SSH1: variants seen among roughly 807,000 people sequenced by gnomAD.
The protein encoded by SSH1 is slingshot protein phosphatase 1.
In SSH1, 43 loss-of-function variants were observed where a neutral mutation model predicts 79.7. The observed-to-expected ratio is 0.54, with a 90% CI of 0.42 to 0.70. SSH1 has a LOEUF of 0.70. Among genes scored for constraint, SSH1 ranks in the 30% least tolerant of loss-of-function variants. The probability of loss-of-function intolerance (pLI) is 0.00; values close to 1 mark genes in which losing one functional copy is unlikely to be tolerated. For missense variants in SSH1, 1,206 were observed against 1,358.8 expected (o/e 0.89, Z 1.77); for synonymous variants, 599 against 538.3 (o/e 1.11, Z -1.56).
chr12:108,805,783 T>C (rs546199578), intron 9 of SSH1, among the ~76,000 whole-genome samples: 1 of 152,104 alleles, frequency 6.6e-6, no homozygotes, highest in South Asian at 2.1e-4. Context: ...TTGTAATTCA[T>C]TGCATGCTTT....
chr12:108,806,149 T>C lies in SSH1; in HGVS notation c.825+152A>G, dbSNP rs894096091. 6 of 773,466 alleles carry C rather than the reference T, an allele frequency of 7.8e-6. No individual in the cohort carries two copies. In the African/African-American group the frequency reaches 8.5e-5, roughly 11 times the overall value. The allele number at this position is 773,466 out of a possible 1,614,324, so 47.9% of individuals were successfully genotyped here. A position where few individuals can be genotyped will look rare whatever the true frequency, so the allele number is the denominator to read the frequency against. On this transcript the variant is annotated intron_variant, in intron 9 of 14. Transcript: ENST00000326495. ...CTGACTCCGAGGCCTGATACAATTG[T>C]AGAACGAGGCAGAAAAAAGCCTCCG...
chr12:108,846,662 GC>G (rs2038905490), intron 2 of SSH1, among the ~76,000 whole-genome samples: 1 of 152,206 alleles, frequency 6.6e-6, no homozygotes, highest in Admixed American at 6.5e-5. Flanking sequence ...TTACAACACT[GC>G]TTCCTCCAAG....
At chr12:108,802,400 T>C (rs1396098228) in intron 10 of SSH1, 32 bp from the exon 11 acceptor site, 12 of 1,607,804 alleles carry the variant, frequency 7.5e-6, no homozygotes, top group Non-Finnish European at 9.4e-6. Context: ...CTCCTGTGAG[T>C]GTCACATGTC....
At chr12:108,845,060 A>G (rs976694426) in intron 2 of SSH1, among the ~76,000 whole-genome samples, 1 of 151,810 alleles carries the variant, frequency 6.6e-6, no homozygotes, top group African/African-American at 2.4e-5. Flanking sequence ...AGGCTGAGAC[A>G]GGACAAAAAT....
At chr12:108,799,514 G>A (rs1237298925) in intron 12 of SSH1, among the ~76,000 whole-genome samples, 1 of 152,210 alleles carries the variant, frequency 6.6e-6, no homozygotes, top group South Asian at 2.1e-4. Flanking sequence ...GACCAAGTGA[G>A]AATCTTCTCA....
chr12:108,853,012 T>C lies in SSH1; in HGVS notation c.70-334A>G, dbSNP rs886720984. The C allele has an allele frequency of 1.5e-5, 15 of 985,296 alleles. No homozygotes were observed. In the Admixed American group the frequency reaches 1.8e-4, roughly 12 times the overall value. The allele number at this position is 985,296 out of a possible 1,614,324, so 61.0% of individuals were successfully genotyped here. ...CAACTTTCCGAGGTTGTTCTGGACC[T>C]TATCCTGTTTTTCTCTTTTAAGGGG... On this transcript the variant is annotated intron_variant, in intron 1 of 14. Coordinates refer to ENST00000326495, the MANE Select transcript of SSH1 (RefSeq NM_018984.4).
At position 108,792,354 on chromosome 12, in the gene SSH1, C is replaced by G. The variant is rs201082643; in HGVS notation, c.1825G>C (p.Asp609His). ...GRWGQLPTQLDQNLLNSENLN... is the reference protein window; with the variant it reads ...GRWGQLPTQLHQNLLNSENLN... Reference sequence around the variant, plus strand: ...TTCTCCGAGTTGAGCAGGTTTTGATCGAGCTGGGTTGGAAGCTGCCCCCAC... The same window carrying G: ...TTCTCCGAGTTGAGCAGGTTTTGATGGAGCTGGGTTGGAAGCTGCCCCCAC... The change falls in exon 14 of 15, where the codon GAT (aspartate) becomes CAT (histidine). Residue 609 changes from aspartate to histidine, a missense_variant. By Grantham distance (81) the Asp-to-His change is moderately conservative. This residue lies in a region of SSH1 where 709 missense variants were observed against 730.6 expected (regional missense o/e 0.97). Coordinates refer to ENST00000326495, the MANE Select transcript of SSH1 (RefSeq NM_018984.4). 68 of 1,614,164 alleles carry G rather than the reference C, an allele frequency of 4.2e-5. No individual in the cohort carries two copies. The East Asian group carries it at 1.1e-3, about 26-fold the overall frequency.
rs1325626630 is a variant in SSH1 at position 108,792,667 on chromosome 12, C to T, written c.1512G>A (p.Gly504=). 1.2e-6 allele frequency: 2 copies of T among 1,611,928 alleles called. No individual in the cohort carries two copies. The highest frequency in any genetic ancestry group is 2.2e-5 in the South Asian group (2 of 91,076). ...GCCGGAAACAGCAGGGGAGGGGGGG[C>T]CCTAAGCCGGGCTGGGCGGCATCAT... ...FLDDAAQPGL[G]PPLPCCFRRL... Residue 504 remains glycine (G), a synonymous_variant, in exon 14 of 15, where the codon GGG becomes GGA. Transcript: ENST00000326495.
intron 3 of SSH1, 140 bp from the exon 4 acceptor site, chr12:108,818,453 A>G: frequency 1.4e-6 from 1 of 713,800 alleles, no homozygotes; most frequent in East Asian, 2.8e-5. Flanking sequence ...GAGAATCACC[A>G]CAAAAACTTC....
chr12:108,788,964 G>A lies in SSH1; in HGVS notation c.2174C>T (p.Thr725Ile), dbSNP rs1395559729. 6.2e-7 allele frequency: 1 copy of A among 1,613,504 alleles called. No individual in the cohort carries two copies. The change falls in exon 15 of 15, where the codon ACC (threonine) becomes ATC (isoleucine). Residue 725 changes from threonine (T) to isoleucine (I), a missense_variant. Physicochemically the swap from Thr to Ile is moderately conservative, Grantham distance 89 (BLOSUM62 -1). Around this residue, in one of 5 missense-constraint regions of SSH1, gnomAD observed 709 missense variants for 730.6 expected, o/e 0.97. Transcript: ENST00000326495. ...LPPAGSRRADTSGPGAGAALE... is the reference protein window; with the variant it reads ...LPPAGSRRADISGPGAGAALE... ...GGCAGCTCCAGCCCCAGGGCCACTGGTGTCTGCCCTCCTGGAGCCTGCTGG... is the reference window on the plus strand; with the variant it reads ...GGCAGCTCCAGCCCCAGGGCCACTGATGTCTGCCCTCCTGGAGCCTGCTGG...
chr12:108,842,412 A>T (rs920180668), intron 2 of SSH1, among the ~76,000 whole-genome samples: 3 of 152,188 alleles, frequency 2.0e-5, no homozygotes, highest in Non-Finnish European at 4.4e-5. Context: ...GCCTCGTGGA[A>T]CTGGTTTCCT....
intron 10 of SSH1, among the ~76,000 whole-genome samples, chr12:108,803,911 T>C (rs559015344): frequency 1.3e-5 from 2 of 152,308 alleles, no homozygotes; most frequent in South Asian, 2.1e-4. Flanking sequence ...TATCATGACA[T>C]ATACATAACT....
rs561829562 is a variant in SSH1 at position 108,811,349 on chromosome 12, CAT to C, written c.402-23_402-22del. The C allele has an allele frequency of 2.9e-4, 461 of 1,613,354 alleles. 8 individuals are homozygous for C. In the South Asian group the frequency reaches 4.8e-3, roughly 17 times the overall value. On this transcript the variant is annotated intron_variant, in intron 5 of 14. Transcript: ENST00000326495. ...TTTTACTGCGATGGGGGAGAGAAGA[CAT>C]GTGGAGTCAGCGTCTACCCACCTAC...
Position 108,788,531 on chromosome 12 carries a change from G to A in SSH1, c.2607C>T (p.Gly869=). The change falls in exon 15 of 15, where the codon GGC becomes GGT. Residue 869 remains glycine (G), a synonymous_variant. Transcript: ENST00000326495. ...CGGCCTGGCTGGGCATAACCAGGGG[G>A]CCCAGCTCGTGGAGCGCGGCTGGAT... ...SQDPAALHEL[G]PLVMPSQAGS... is the part of the protein sequence containing the mutation. The A allele has an allele frequency of 6.4e-7, 1 of 1,567,230 alleles. No individual in the cohort carries two copies. Among genetic ancestry groups the A allele is most frequent in the Non-Finnish European group, 8.6e-7 (1 of 1,156,898 alleles).
chr12:108,807,416 T>A lies in SSH1; in HGVS notation c.731+217A>T, dbSNP rs1407309506. On this transcript the variant is annotated intron_variant, in intron 8 of 14. Transcript: ENST00000326495. The surrounding 1 kb of genome is among the most constrained non-coding windows in gnomAD (Gnocchi z 5.2). ...GAAATGCATTCACCAAATTCATCAGTAATTTTTTTTTTTTTTTTCTTTTTT... is the reference window on the plus strand; with the variant it reads ...GAAATGCATTCACCAAATTCATCAGAAATTTTTTTTTTTTTTTTCTTTTTT... Among the ~76,000 whole-genome samples, 1 of 48,976 alleles carries A rather than the reference T, an allele frequency of 2.0e-5. No individual in the cohort carries two copies. The highest frequency in any genetic ancestry group is 3.9e-5 in the Non-Finnish European group (1 of 25,402). 32.1% of individuals were successfully genotyped at this position (48,976 alleles called of 152,430 possible). A position where few individuals can be genotyped will look rare whatever the true frequency, so the allele number is the denominator to read the frequency against.
intron 5 of SSH1, among the ~76,000 whole-genome samples, chr12:108,812,130 T>C (rs929121910): frequency 1.3e-5 from 2 of 152,162 alleles, no homozygotes; most frequent in Admixed American, 1.3e-4. Context: ...CATGCTTCTA[T>C]ATCTGTGGGG....
At chr12:108,814,924 G>A (rs1256573411) in intron 5 of SSH1, among the ~76,000 whole-genome samples, 1 of 152,236 alleles carries the variant, frequency 6.6e-6, no homozygotes, top group African/African-American at 2.4e-5. Flanking sequence ...GGAGTGGGAT[G>A]CGCATGTGGG....
chr12:108,807,634 TG>T lies in SSH1; in HGVS notation c.729del (p.Asp243GlufsTer21). ...TRPDSPALFV[D>X]KPTEGERTER... is the part of the protein sequence containing the mutation. ...TCACACCAGAGGCACCTCACTTACT[TG>T]TCCACAAATAGCGCGGGGGAGTCGG... On this transcript the variant is annotated frameshift_variant and splice_region_variant, in exon 8 of 15. Coordinates refer to ENST00000326495, the MANE Select transcript of SSH1 (RefSeq NM_018984.4). LOFTEE classifies it high-confidence loss of function. The surrounding 1 kb of genome is among the most constrained non-coding windows in gnomAD (Gnocchi z 5.2). The T allele has an allele frequency of 6.2e-7, 1 of 1,612,362 alleles. No individual in the cohort carries two copies. The highest frequency in any genetic ancestry group is 8.5e-7 in the Non-Finnish European group (1 of 1,179,036).
rs776003847 is a variant in SSH1, at chr12:108,811,227, C to G, written c.470+33G>C. The G allele has an allele frequency of 4.4e-6, 7 of 1,604,222 alleles. No homozygotes were observed. In the African/African-American group the frequency reaches 9.4e-5, roughly 21 times the overall value. On this transcript the variant is annotated intron_variant, in intron 6 of 14. Transcript: ENST00000326495. The stretch of plus-strand genomic sequence containing the variant: ...TCGTGTTTTCAATGCCTACTACATA[C>G]AGTGAGAGAATCTTTTAAAGAGACC...
Sources: gnomAD v4.1 joint callset for allele counts (sites outside exome capture counted in the v4.1 genomes callset) on GRCh38, gnomAD v4.1.1 for gene constraint, gnomAD v4.1.1 regional missense constraint, Gnocchi (gnomAD v3.1) non-coding constraint, MANE v1.5 for transcripts, NCBI Gene and HGNC (gene_info 2026-07-23, HGNC 2026-07-21) for gene names.